The following UBE2D3 variants were observed in gnomAD, a reference collection of about 807,000 sequenced individuals.
UBE2D3 encodes the protein ubiquitin-conjugating enzyme E2 D3.
UBE2D3 carries 2 observed loss-of-function variants against 22.8 expected under a neutral mutation model. The observed-to-expected ratio is 0.09, with a 90% CI of 0.04 to 0.28. The LOEUF (loss-of-function observed/expected upper bound fraction) is 0.28, where lower values mean the gene tolerates loss of function less well. UBE2D3 is among the 10% of genes least tolerant of loss of function. The probability of loss-of-function intolerance (pLI) is 1.00; values close to 1 mark genes in which losing one functional copy is unlikely to be tolerated. For synonymous variants in UBE2D3, 56 were observed against 60.4 expected (o/e 0.93, Z 0.34); for missense variants, 27 against 182.5 (o/e 0.15, Z 4.91).
At chr4:102,833,343 G>A (rs223380) in intron 1 of UBE2D3, among the ~76,000 whole-genome samples, 87,338 of 151,910 alleles carry the variant, frequency 0.57, 26,389 homozygotes, top group African/African-American at 0.78. Flanking sequence ...AAGTGGCCAG[G>A]AAAAAGAATT....
At chr4:102,867,776 G>C (rs894167692) in intron 1 of UBE2D3, among the ~76,000 whole-genome samples, 12 of 152,272 alleles carry the variant, frequency 7.9e-5, no homozygotes, top group African/African-American at 2.9e-4. Context: ...CAGCCTGGGC[G>C]ATAGAGCGAA....
chr4:102,865,033 G>T (rs1733080521), intron 1 of UBE2D3, among the ~76,000 whole-genome samples: 1 of 152,154 alleles, frequency 6.6e-6, no homozygotes, highest in Non-Finnish European at 1.5e-5. Context: ...GTTGAGTAAA[G>T]CCCTAATATG....
At chr4:102,829,688 A>G (rs1731006433), upstream of UBE2D3, among the ~76,000 whole-genome samples, 1 of 152,226 alleles carries the variant, frequency 6.6e-6, no homozygotes, top group African/African-American at 2.4e-5. Context: ...CTGTAATCCC[A>G]GCACTTTGGG....
At chr4:102,868,214 C>T (rs1004262832) in intron 1 of UBE2D3, among the ~76,000 whole-genome samples, 2 of 151,828 alleles carry the variant, frequency 1.3e-5, no homozygotes, top group African/African-American at 4.8e-5. Context: ...CTGGGACAGG[C>T]ACCTGCCACC....
chr4:102,838,073 C>T (rs1031252871), intron 1 of UBE2D3, among the ~76,000 whole-genome samples: 3 of 152,080 alleles, frequency 2.0e-5, no homozygotes, highest in African/African-American at 7.2e-5. Flanking sequence ...GAGCCATGGT[C>T]TTGCTGCTGC....
intron 4 of UBE2D3, among the ~76,000 whole-genome samples, chr4:102,807,424 G>C (rs2110274197): frequency 6.6e-6 from 1 of 152,214 alleles, no homozygotes; most frequent in African/African-American, 2.4e-5. Context: ...CCGTACTTTG[G>C]GTGGATTTTT....
At chr4:102,837,621 G>C (rs894132743) in intron 1 of UBE2D3, among the ~76,000 whole-genome samples, 2 of 152,144 alleles carry the variant, frequency 1.3e-5, no homozygotes, top group Non-Finnish European at 2.9e-5. Flanking sequence ...CCAGGAGTTT[G>C]AGACAAGCTT....
chr4:102,868,792 C>CA lies in UBE2D3; in HGVS notation c.-207dup, dbSNP rs778701849. 4 of 1,613,612 alleles carry CA rather than the reference C, an allele frequency of 2.5e-6. No homozygotes were observed. In the East Asian group the frequency reaches 8.9e-5, roughly 36 times the overall value. ...ACACAGTATCCTTTCTGCTGGTCTC[C>CA]AGCATCTACAGACGTTAAAGGCCCA... On this transcript the variant is annotated 5_prime_UTR_variant, in exon 1 of 8. Coordinates refer to the UBE2D3 transcript ENST00000338145.
chr4:102,826,120 G>A (rs1730432479), intron 2 of UBE2D3, among the ~76,000 whole-genome samples: 1 of 151,922 alleles, frequency 6.6e-6, no homozygotes, highest in Non-Finnish European at 1.5e-5. Context: ...CAAGCACCAA[G>A]AATAGGAAGC....
At chr4:102,837,726 C>T (rs62329109) in intron 1 of UBE2D3, among the ~76,000 whole-genome samples, 2 of 152,024 alleles carry the variant, frequency 1.3e-5, no homozygotes, top group Non-Finnish European at 2.9e-5. Context: ...CCAAGGCGGG[C>T]GGATCACGAG....
At chr4:102,854,107 C>G (rs1447085620) in intron 1 of UBE2D3, among the ~76,000 whole-genome samples, 1 of 152,084 alleles carries the variant, frequency 6.6e-6, no homozygotes, top group Non-Finnish European at 1.5e-5. Context: ...ATATTATTTG[C>G]CCATCCATTC....
intron 6 of UBE2D3, 74 bp downstream of exon 6, chr4:102,801,378 AAT>A: frequency 2.3e-6 from 3 of 1,279,524 alleles, no homozygotes; most frequent in South Asian, 1.4e-5. Flanking sequence ...CCATAATAAA[AAT>A]ACTCAGATAA....
chr4:102,817,087 A>G lies in UBE2D3; in HGVS notation c.25-7232T>C, dbSNP rs549424430. Among the ~76,000 whole-genome samples, 203 of 152,314 alleles carry G rather than the reference A, an allele frequency of 1.3e-3. No homozygotes were observed. The Middle Eastern group carries it at 0.017, about 13-fold the overall frequency. The stretch of plus-strand genomic sequence containing the variant: ...AGGCATTTACCAAGAACAAGGAGTG[A>G]GAGAAGCATTCTAGGTAGAGAAACT... On this transcript the variant is annotated intron_variant, in intron 2 of 7. Coordinates refer to ENST00000453744, the MANE Select transcript of UBE2D3 (RefSeq NM_181891.3).
chr4:102,847,895 C>T (rs746982069), intron 1 of UBE2D3, among the ~76,000 whole-genome samples: 5 of 152,138 alleles, frequency 3.3e-5, no homozygotes, highest in East Asian at 1.9e-4. Context: ...ATCCTCCCAC[C>T]GTAGCCTCCC....
In UBE2D3 at chr4:102,818,631, G is replaced by A. The variant is rs78590317; in HGVS notation, c.24+7854C>T. Among the ~76,000 whole-genome samples, 254 of 152,238 alleles carry A rather than the reference G, an allele frequency of 1.7e-3. 5 individuals carry two copies. In the East Asian group the frequency reaches 0.035, roughly 21 times the overall value. On this transcript the variant is annotated intron_variant, in intron 2 of 7. Coordinates refer to ENST00000453744, the MANE Select transcript of UBE2D3 (RefSeq NM_181891.3). The stretch of plus-strand genomic sequence containing the variant: ...CTGGTGGGCACCATGGTAGAAAATA[G>A]GGCAGGATTTTTTTCACCAAAAAAA...
At chr4:102,799,583 A>C in intron 6 of UBE2D3, 83 bp from the exon 7 acceptor site, 4 of 966,634 alleles carry the variant, frequency 4.1e-6, no homozygotes, top group Non-Finnish European at 6.2e-6. Flanking sequence ...TACAAAACTC[A>C]ATCCTCAAAA....
chr4:102,826,688 T>C lies in UBE2D3; in HGVS notation c.-128-52A>G, dbSNP rs899348876. On this transcript the variant is annotated intron_variant, in intron 1 of 7. Coordinates refer to ENST00000453744, the MANE Select transcript of UBE2D3 (RefSeq NM_181891.3). ...ACTCGCACAGGCCCCGAAGAGCCCC[T>C]GATGAATCCAGGTCCCTTAAGACAG... 26 of 1,486,128 alleles carry C rather than the reference T, an allele frequency of 1.7e-5. No individual in the cohort carries two copies. In the Admixed American group the frequency reaches 6.1e-4, roughly 35 times the overall value. The allele number at this position is 1,486,128 out of a possible 1,614,324, so 92.1% of individuals were successfully genotyped here.
At chr4:102,826,164 T>TCG (rs1206686732) in intron 2 of UBE2D3, among the ~76,000 whole-genome samples, 1 of 151,928 alleles carries the variant, frequency 6.6e-6, no homozygotes, top group Non-Finnish European at 1.5e-5. Context: ...TCTCCGCAAT[T>TCG]CGGACCCCCA....
intron 2 of UBE2D3, among the ~76,000 whole-genome samples, chr4:102,819,346 AT>A (rs1216917625): frequency 6.6e-6 from 1 of 151,726 alleles, no homozygotes; most frequent in African/African-American, 2.4e-5. Flanking sequence ...AAAAAAAAAA[AT>A]TCCCTCCTTT....
Sources: allele counts gnomAD v4.1 joint callset (sites outside exome capture counted in the v4.1 genomes callset), GRCh38; gene constraint gnomAD v4.1.1; transcripts MANE v1.5; gene names NCBI Gene and HGNC (gene_info 2026-07-23, HGNC 2026-07-21).